PDPN: variants seen among roughly 807,000 people sequenced by gnomAD.
PDPN encodes podoplanin, also known as PA2.26 antigen.
Under a neutral mutation model 23.2 loss-of-function variants are expected in PDPN, and 12 were observed. The ratio of observed to expected loss-of-function variants is 0.52; its 90% CI spans 0.33 to 0.84. The LOEUF is 0.84. PDPN is among the 40% of genes least tolerant of loss of function. The pLI, the probability that PDPN is intolerant of heterozygous loss-of-function variation, is 0.02. For synonymous variants in PDPN, 77 were observed against 76.7 expected, an observed-to-expected ratio of 1.00 and a Z score of -0.02; for missense variants, 199 against 212.2, an observed-to-expected ratio of 0.94 and a Z score of 0.39.
At chr1:13,585,922 A>G (rs1487932137) in intron 1 of PDPN, among the ~76,000 whole-genome samples, 1 of 152,194 alleles carries the variant, frequency 6.6e-6, no homozygotes, top group African/African-American at 2.4e-5. Context: ...CCTTTTCATA[A>G]GATCCTACGC....
At chr1:13,590,398 C>G (rs188239522) in intron 1 of PDPN, among the ~76,000 whole-genome samples, 1 of 152,168 alleles carries the variant, frequency 6.6e-6, no homozygotes, top group African/African-American at 2.4e-5. Context: ...TCGTGTCCTG[C>G]GCGGCACATG....
chr1:13,615,627 T>G (rs1445589698), intron 5 of PDPN, among the ~76,000 whole-genome samples: 1 of 151,762 alleles, frequency 6.6e-6, no homozygotes, highest in African/African-American at 2.4e-5. Context: ...TGATATATGA[T>G]GGAAGGGAGG....
At position 13,617,147 on chromosome 1, in the gene PDPN, A is replaced by G. The variant is rs778491824; in HGVS notation, c.*1236A>G. On this transcript the variant is annotated 3_prime_UTR_variant, in exon 6 of 6. Transcript: ENST00000621990. ...TCCAGCCTGGCACTTCTCTTCCCAT[A>G]TATCCATTGGATTTTTTTTTTTTTT... 7 of 135,932 alleles carry G rather than the reference A, an allele frequency of 5.1e-5. No homozygotes were observed. Among genetic ancestry groups the G allele is most frequent in the Admixed American group, 1.7e-4 (2 of 11,824 alleles). The allele number at this position is 135,932 out of a possible 1,614,324, so 8.4% of individuals were successfully genotyped here.
intron 1 of PDPN, among the ~76,000 whole-genome samples, chr1:13,587,579 T>A (rs1640212816): frequency 6.6e-6 from 1 of 152,162 alleles, no homozygotes; most frequent in Non-Finnish European, 1.5e-5. Flanking sequence ...CCAGGAAGCC[T>A]TGCCACTCTT....
intron 1 of PDPN, among the ~76,000 whole-genome samples, chr1:13,597,679 ATGT>A (rs1242853639): frequency 2.6e-5 from 4 of 152,160 alleles, no homozygotes; most frequent in African/African-American, 9.7e-5. Flanking sequence ...TCTACTCTAA[ATGT>A]TGTTTGTCAG....
intron 1 of PDPN, chr1:13,585,437 G>C (rs1640150426): frequency 7.9e-7 from 1 of 1,260,910 alleles, no homozygotes; most frequent in Non-Finnish European, 1.0e-6. Flanking sequence ...AATATATACA[G>C]TTCTGTATTT....
Position 13,583,898 on chromosome 1 carries a change from T to C in PDPN, c.-136T>C, listed in dbSNP as rs1218758232. On this transcript the variant is annotated 5_prime_UTR_variant, in exon 1 of 6. Coordinates refer to ENST00000621990, the MANE Select transcript of PDPN (RefSeq NM_006474.5). Reference sequence around the variant, plus strand: ...CTCGGGCACCCTCCCTCTCCGGGGCTCCTGCTCCCACCCCTCCGGCCCCCC... The same window carrying C: ...CTCGGGCACCCTCCCTCTCCGGGGCCCCTGCTCCCACCCCTCCGGCCCCCC... The C allele has an allele frequency of 9.9e-6, 16 of 1,611,766 alleles. No homozygotes were observed. The highest frequency in any genetic ancestry group is 1.4e-5 in the Non-Finnish European group (16 of 1,178,836).
At chr1:13,602,927 C>T (rs1640684280) in intron 1 of PDPN, among the ~76,000 whole-genome samples, 1 of 151,916 alleles carries the variant, frequency 6.6e-6, no homozygotes. Flanking sequence ...GCCTGTGATC[C>T]CAGCACTTTG....
At chr1:13,615,705 C>T (rs1396539510) in intron 5 of PDPN, among the ~76,000 whole-genome samples, 200 bp from the exon 6 acceptor site, 2 of 152,038 alleles carry the variant, frequency 1.3e-5, no homozygotes, top group Admixed American at 1.3e-4. Context: ...GTGGACTTAG[C>T]GTGTTTGGAA....
At chr1:13,591,774 A>G (rs1324263507) in intron 1 of PDPN, among the ~76,000 whole-genome samples, 1 of 152,224 alleles carries the variant, frequency 6.6e-6, no homozygotes, top group Admixed American at 6.5e-5. Flanking sequence ...AGCTCACGAC[A>G]GCCTCAGATT....
intron 1 of PDPN, among the ~76,000 whole-genome samples, chr1:13,586,685 C>A (rs355028): frequency 8.6e-5 from 13 of 150,554 alleles, no homozygotes; most frequent in Admixed American, 6.0e-4. Context: ...ACTCTTATCT[C>A]GGAATATACC....
chr1:13,612,025 T>C (rs1640947578), intron 3 of PDPN, among the ~76,000 whole-genome samples: 1 of 152,210 alleles, frequency 6.6e-6, no homozygotes, highest in Admixed American at 6.5e-5. Flanking sequence ...CATTTTCTGT[T>C]CCTTTAAAAA....
chr1:13,616,032 G>T lies in PDPN; in HGVS notation c.*121G>T, dbSNP rs534489629. The T allele has an allele frequency of 5.4e-6, 5 of 924,020 alleles. No homozygotes were observed. The Admixed American group carries it at 7.3e-5, about 14-fold the overall frequency. 57.2% of individuals were successfully genotyped at this position (924,020 alleles called of 1,614,324 possible). A position where few individuals can be genotyped will look rare whatever the true frequency, so the allele number is the denominator to read the frequency against. On this transcript the variant is annotated 3_prime_UTR_variant, in exon 6 of 6. Transcript: ENST00000621990. ...GTGGAACACTTGCCTGGCCCACTCA[G>T]AATCCACGGTGACCTCTCCGCTTGC...
intron 1 of PDPN, chr1:13,584,323 G>A: frequency 2.0e-6 from 3 of 1,494,138 alleles, no homozygotes; most frequent in Non-Finnish European, 2.7e-6. Flanking sequence ...GAGGAGCCCC[G>A]GAATCCACAG....
rs1207546287 is a variant in PDPN at position 13,613,702 on chromosome 1, A to G, written c.347A>G (p.Asp116Gly). 6.8e-6 allele frequency: 10 copies of G among 1,480,132 alleles called. No individual in the cohort carries two copies. Among genetic ancestry groups the G allele is most frequent in the African/African-American group, 1.4e-5 (1 of 72,302 alleles). 91.7% of individuals were successfully genotyped at this position (1,480,132 alleles called of 1,614,324 possible). ...TSHSTEKVDG[D>G]TQTTVEKDGL... ...CTATTCACAGAGAAAGTGGATGGAG[A>G]CACACAGACAACAGTTGAGAAAGGT... Residue 116 changes from aspartate to glycine, a missense_variant, in exon 4 of 6, where the codon GAC becomes GGC. Transcript: ENST00000621990.
At chr1:13,603,115 C>A (rs1640690008) in intron 1 of PDPN, among the ~76,000 whole-genome samples, 1 of 151,960 alleles carries the variant, frequency 6.6e-6, no homozygotes, top group Non-Finnish European at 1.5e-5. Context: ...GAAAGAAATT[C>A]TGTTTAAAAA....
intron 1 of PDPN, among the ~76,000 whole-genome samples, chr1:13,594,034 G>T (rs1214578355): frequency 2.0e-5 from 3 of 152,202 alleles, no homozygotes; most frequent in Non-Finnish European, 2.9e-5. Context: ...GTAATCAGCA[G>T]CCTCTAATGT....
intron 1 of PDPN, among the ~76,000 whole-genome samples, chr1:13,605,282 A>AAGCAGTGG (rs1640753397): frequency 1.3e-5 from 2 of 152,250 alleles, no homozygotes; most frequent in South Asian, 2.1e-4. Flanking sequence ...AGTGCTGCCT[A>AAGCAGTGG]GAGACAAACA....
intron 2 of PDPN, 46 bp downstream of exon 2, chr1:13,607,352 C>T: frequency 1.3e-6 from 2 of 1,536,982 alleles, no homozygotes; most frequent in South Asian, 1.1e-5. Context: ...GGCATGTGAT[C>T]ACATGCAAGG....
Sources: allele counts gnomAD v4.1 joint callset (sites outside exome capture counted in the v4.1 genomes callset), GRCh38; gene constraint gnomAD v4.1.1; transcripts MANE v1.5; gene names NCBI Gene and HGNC (gene_info 2026-07-23, HGNC 2026-07-21).